The following TMPRSS11B variants were observed in gnomAD, a reference collection of about 807,000 sequenced individuals.
TMPRSS11B encodes the protein transmembrane serine protease 11B.
TMPRSS11B carries 53 observed loss-of-function variants against 44.7 expected under a neutral mutation model. That is an observed-to-expected ratio of 1.19 (90% CI 0.95 to 1.49). The LOEUF (loss-of-function observed/expected upper bound fraction) is 1.49. TMPRSS11B is among the 40% of genes most tolerant of loss of function. The pLI, the probability that TMPRSS11B is intolerant of heterozygous loss-of-function variation, is 0.00. For missense variants in TMPRSS11B, 526 were observed against 494.8 expected (o/e 1.06, Z -0.60); for synonymous variants, 140 against 159.2 (o/e 0.88, Z 0.91).
At chr4:68,243,434 T>C (rs1277847666) in intron 1 of TMPRSS11B, among the ~76,000 whole-genome samples, 3 of 152,176 alleles carry the variant, frequency 2.0e-5, no homozygotes, top group Non-Finnish European at 4.4e-5. Context: ...TAATCCTACC[T>C]CTTCCTTATA....
chr4:68,229,682 G>T (rs1427254241), intron 7 of TMPRSS11B, 166 bp from the exon 8 acceptor site: 2 of 570,454 alleles, frequency 3.5e-6, no homozygotes, highest in South Asian at 3.1e-5. Context: ...TGTAAATGTT[G>T]CAGTCACTTA....
intron 4 of TMPRSS11B, among the ~76,000 whole-genome samples, chr4:68,235,479 C>T (rs1234416357): frequency 6.6e-6 from 1 of 152,158 alleles, no homozygotes; most frequent in Admixed American, 6.5e-5. Flanking sequence ...CTCCTCCCTG[C>T]ATCCCTCCCT....
At chr4:68,230,999 C>G (rs1175895341) in intron 7 of TMPRSS11B, among the ~76,000 whole-genome samples, 1 of 144,168 alleles carries the variant, frequency 6.9e-6, no homozygotes, top group Non-Finnish European at 1.5e-5. Flanking sequence ...TTAATTAATA[C>G]TTCTATTTGC....
intron 2 of TMPRSS11B, among the ~76,000 whole-genome samples, chr4:68,237,999 A>G (rs970498711): frequency 6.6e-6 from 1 of 152,172 alleles, no homozygotes; most frequent in African/African-American, 2.4e-5. Flanking sequence ...ACTTGGTGAC[A>G]GAGTGAGACC....
rs1465658284 is a variant in TMPRSS11B at position 68,242,220 on chromosome 4, TTATATTATATTATA to T, written c.9-430_9-417del. On this transcript the variant is annotated intron_variant, in intron 1 of 9. Transcript: ENST00000332644. ...ATAATATAATATAATATATATAATATTATATTATATTATATATATTATATTATATATATTATAAT... is the reference window on the plus strand; with the variant it reads ...ATAATATAATATAATATATATAATATTATATTATATTATATATATTATAAT... Among the ~76,000 whole-genome samples, 76 of 6,084 alleles carry T rather than the reference TTATATTATATTATA, an allele frequency of 0.012. 1 individual carries two copies. In the East Asian group the frequency reaches 0.2, roughly 16 times the overall value. The allele number at this position is 6,084 out of a possible 152,430, so 4.0% of individuals were successfully genotyped here.
intron 2 of TMPRSS11B, among the ~76,000 whole-genome samples, chr4:68,239,775 T>G (rs1719773745): frequency 6.6e-6 from 1 of 152,166 alleles, no homozygotes; most frequent in Non-Finnish European, 1.5e-5. Flanking sequence ...CCAAAAGGCA[T>G]GCATGGGTAA....
intron 5 of TMPRSS11B, 77 bp from the exon 6 acceptor site, chr4:68,232,493 A>C: frequency 7.4e-7 from 1 of 1,359,050 alleles, no homozygotes; most frequent in Non-Finnish European, 1.0e-6. Flanking sequence ...AAGAACATAA[A>C]TGCTAACTTT....
At position 68,236,221 on chromosome 4, in the gene TMPRSS11B, G is replaced by A. The variant is rs775986429; in HGVS notation, c.170C>T (p.Thr57Ile). The part of the protein sequence containing the change: ...YQGDFHISGV[T>I]YNDNCENAAS... The stretch of plus-strand genomic sequence containing the variant: ...TGCGTTTTCACAATTATCATTGTAT[G>A]TGACTCCAGAAATATGAAAATCACC... The change falls in exon 3 of 10, where the codon ACA (threonine) becomes ATA (isoleucine). Residue 57 changes from threonine to isoleucine, a missense_variant. Transcript: ENST00000332644. 1.1e-5 allele frequency: 17 copies of A among 1,612,216 alleles called. No homozygotes were observed. The highest frequency in any genetic ancestry group is 1.4e-5 in the Non-Finnish European group (16 of 1,179,092).
intron 2 of TMPRSS11B, among the ~76,000 whole-genome samples, chr4:68,241,039 T>C (rs1264080955): frequency 6.6e-6 from 1 of 152,146 alleles, no homozygotes. Context: ...ATAAGGATAG[T>C]AGTAAAATCT....
intron 8 of TMPRSS11B, among the ~76,000 whole-genome samples, 160 bp downstream of exon 8, chr4:68,229,097 A>C (rs978897512): frequency 1.3e-5 from 2 of 152,190 alleles, no homozygotes; most frequent in Admixed American, 6.5e-5. Context: ...TTAGGAAGTG[A>C]AGACAATTTG....
intron 2 of TMPRSS11B, among the ~76,000 whole-genome samples, chr4:68,239,710 GT>G (rs1416402019): frequency 6.6e-6 from 1 of 151,884 alleles, no homozygotes; most frequent in Non-Finnish European, 1.5e-5. Flanking sequence ...CTAAAACATT[GT>G]TTTATACTAA....
intron 8 of TMPRSS11B, 22 bp downstream of exon 8, chr4:68,229,235 A>G (rs1244976055): frequency 6.4e-7 from 1 of 1,569,862 alleles, no homozygotes; most frequent in Non-Finnish European, 8.6e-7. Context: ...TGCAGCTATT[A>G]TGATTTTACA....
rs185946271 is a variant in TMPRSS11B at position 68,238,511 on chromosome 4, T to C, written c.125-2245A>G. Among the ~76,000 whole-genome samples, 353 of 150,874 alleles carry C rather than the reference T, an allele frequency of 2.3e-3. 6 individuals are homozygous for C. The highest frequency in any genetic ancestry group is 8.0e-3 in the African/African-American group (328 of 41,056). The stretch of plus-strand genomic sequence containing the variant: ...GCAGAGGTGAGAGGATCACTTGAGG[T>C]CAGGGGTTCAAGACCAGCCTAGCCA... On this transcript the variant is annotated intron_variant, in intron 2 of 9. Transcript: ENST00000332644.
chr4:68,230,854 C>T (rs976024640), intron 7 of TMPRSS11B, among the ~76,000 whole-genome samples: 10 of 151,166 alleles, frequency 6.6e-5, no homozygotes, highest in Non-Finnish European at 1.5e-5. Context: ...TGTCACCTTT[C>T]CTGAGTGAGA....
intron 9 of TMPRSS11B, 65 bp downstream of exon 9, chr4:68,228,677 A>G (rs1026991871): frequency 2.2e-5 from 33 of 1,524,356 alleles, no homozygotes; most frequent in Non-Finnish European, 2.9e-5. Flanking sequence ...AAAAAATTTT[A>G]TGTGGATAAA....
chr4:68,240,386 G>A (rs1201669110), intron 2 of TMPRSS11B, among the ~76,000 whole-genome samples: 1 of 152,148 alleles, frequency 6.6e-6, no homozygotes, highest in African/African-American at 2.4e-5. Flanking sequence ...AATTTAAGCT[G>A]CTGTAGCCTT....
At chr4:68,235,036 A>G (rs960213106) in intron 4 of TMPRSS11B, among the ~76,000 whole-genome samples, 14 of 152,214 alleles carry the variant, frequency 9.2e-5, no homozygotes, top group African/African-American at 2.9e-4. Flanking sequence ...GACAATTTCC[A>G]GCATGTATTT....
intron 5 of TMPRSS11B, 72 bp downstream of exon 5, chr4:68,234,391 T>G: frequency 6.6e-7 from 1 of 1,509,136 alleles, no homozygotes; most frequent in Non-Finnish European, 8.9e-7. Context: ...TTAGTTCACT[T>G]TTTAGTACTT....
chr4:68,231,079 G>A (rs538395391), intron 7 of TMPRSS11B, 124 bp downstream of exon 7: 9 of 776,964 alleles, frequency 1.2e-5, no homozygotes, highest in Non-Finnish European at 1.7e-5. Context: ...GATTGTAAAT[G>A]TTCTATGTGA....
Sources: gnomAD v4.1 joint callset for allele counts (sites outside exome capture counted in the v4.1 genomes callset) on GRCh38, gnomAD v4.1.1 for gene constraint, MANE v1.5 for transcripts, NCBI Gene and HGNC (gene_info 2026-07-23, HGNC 2026-07-21) for gene names.